The following MRTFB variants were observed in gnomAD, a reference collection of about 807,000 sequenced individuals.
The protein encoded by MRTFB is myocardin-related transcription factor B.
In MRTFB, 29 loss-of-function variants were observed where a neutral mutation model predicts 104.2. The observed-to-expected ratio is 0.28, with a 90% CI of 0.21 to 0.38. MRTFB has a LOEUF of 0.38. Among genes scored for constraint, MRTFB ranks in the 10% least tolerant of loss-of-function variants. The pLI is 1.00. For synonymous variants in MRTFB, 535 were observed against 519.5 expected (o/e 1.03, Z -0.41); for missense variants, 1,270 against 1,341.6 (o/e 0.95, Z 0.83).
intron 2 of MRTFB, among the ~76,000 whole-genome samples, chr16:14,090,136 T>G (rs554773303): frequency 6.6e-6 from 1 of 152,306 alleles, no homozygotes; most frequent in South Asian, 2.1e-4. Context: ...GCAAGTGGTG[T>G]TTTAATTTTG....
At chr16:14,190,721 GCATTT>G (rs2040141290) in intron 3 of MRTFB, among the ~76,000 whole-genome samples, 1 of 152,230 alleles carries the variant, frequency 6.6e-6, no homozygotes, top group Admixed American at 6.5e-5. Flanking sequence ...CATTCAAAGT[GCATTT>G]CTTGCTCAAA....
the MRTFB span, among the ~76,000 whole-genome samples, chr16:13,996,456 T>C: frequency 6.6e-6 from 1 of 152,196 alleles, no homozygotes; most frequent in Non-Finnish European, 1.5e-5. Context: ...AGGTGATACC[T>C]GACAGAGAAA....
At chr16:13,995,068 A>T in the MRTFB span, among the ~76,000 whole-genome samples, 1 of 151,968 alleles carries the variant, frequency 6.6e-6, no homozygotes, top group Non-Finnish European at 1.5e-5. Context: ...TGCAGAACAG[A>T]TCTGTAAACT....
chr16:14,099,382 G>A lies in MRTFB; in HGVS notation c.-64+20028G>A, dbSNP rs1447530709. ...AAAATTACGTGGGTTTTTTTGGTGG[G>A]TTTTTTTTTTTTTTTAAGACAGAGG... On this transcript the variant is annotated intron_variant, in intron 2 of 16. Coordinates refer to ENST00000571589, the MANE Select transcript of MRTFB (RefSeq NM_001308142.2). Among the ~76,000 whole-genome samples, 3 of 137,150 alleles carry A rather than the reference G, an allele frequency of 2.2e-5. No homozygotes were observed. In the South Asian group the frequency reaches 7.0e-4, roughly 32 times the overall value. 90.0% of individuals were successfully genotyped at this position (137,150 alleles called of 152,430 possible).
intron 2 of MRTFB, among the ~76,000 whole-genome samples, chr16:14,140,327 T>C (rs2037930254): frequency 6.6e-6 from 1 of 152,204 alleles, no homozygotes; most frequent in South Asian, 2.1e-4. Context: ...ATACAAAATA[T>C]ATTTCAGCTT....
the MRTFB span, among the ~76,000 whole-genome samples, chr16:14,032,192 A>G: frequency 1.3e-5 from 2 of 152,212 alleles, no homozygotes; most frequent in Non-Finnish European, 2.9e-5. Context: ...TCATGTGATT[A>G]GATATTTGGA....
intron 3 of MRTFB, among the ~76,000 whole-genome samples, chr16:14,172,463 A>T (rs993581111): frequency 5.3e-5 from 8 of 151,524 alleles, no homozygotes; most frequent in Non-Finnish European, 5.9e-5. Context: ...TGTTTCTAAG[A>T]TTTTCCTGTT....
At chr16:14,109,289 C>T (rs2036152133) in intron 2 of MRTFB, among the ~76,000 whole-genome samples, 1 of 152,106 alleles carries the variant, frequency 6.6e-6, no homozygotes, top group Non-Finnish European at 1.5e-5. Flanking sequence ...ATAAACTGAA[C>T]AGCACCTGCC....
chr16:14,205,929 C>A (rs1319696632), intron 3 of MRTFB, among the ~76,000 whole-genome samples: 2 of 152,182 alleles, frequency 1.3e-5, no homozygotes, highest in African/African-American at 4.8e-5. Flanking sequence ...ACTGCCTCTG[C>A]TGCAGGAAAA....
At position 14,258,240 on chromosome 16, in the gene MRTFB, A is replaced by G. The variant is rs188197992; in HGVS notation, c.2764+79A>G. 63 of 1,095,552 alleles carry G rather than the reference A, an allele frequency of 5.8e-5. No homozygotes were observed. In the African/African-American group the frequency reaches 8.5e-4, roughly 15 times the overall value. 67.9% of individuals were successfully genotyped at this position (1,095,552 alleles called of 1,614,324 possible). On this transcript the variant is annotated intron_variant, in intron 16 of 16. Coordinates refer to ENST00000571589, the MANE Select transcript of MRTFB (RefSeq NM_001308142.2). ...TCATGAAAGTTTTTCTTAAGCACTC[A>G]TAGCTTATCTTTAGATACTGAGAAA... is the stretch of plus-strand genomic sequence containing the variant.
At position 14,078,433 on chromosome 16, in the gene MRTFB, C is replaced by G. The variant is rs1411835657; in HGVS notation, c.-128-857C>G. Among the ~76,000 whole-genome samples the G allele has an allele frequency of 5.3e-5, 8 of 151,994 alleles. No individual in the cohort carries two copies. In the East Asian group the frequency reaches 1.3e-3, roughly 26 times the overall value. On this transcript the variant is annotated intron_variant, in intron 1 of 16. Coordinates refer to ENST00000571589, the MANE Select transcript of MRTFB (RefSeq NM_001308142.2). ...AAAGCTTATGCCCACCCCTCTCCCC[C>G]TTTTTTAGAGACGGGGTCTCTCTCA... is the stretch of plus-strand genomic sequence containing the variant.
intron 13 of MRTFB, among the ~76,000 whole-genome samples, chr16:14,249,669 C>G (rs1279318396): frequency 6.6e-6 from 1 of 152,200 alleles, no homozygotes; most frequent in Non-Finnish European, 1.5e-5. Context: ...TCAGTGTCCT[C>G]TACACAAATA....
At chr16:14,123,902 A>T (rs1480116667) in intron 2 of MRTFB, among the ~76,000 whole-genome samples, 1 of 152,246 alleles carries the variant, frequency 6.6e-6, no homozygotes, top group Non-Finnish European at 1.5e-5. Flanking sequence ...ATCCATGAGC[A>T]TGGAATGTTT....
At chr16:14,135,714 T>G (rs2037678185) in intron 2 of MRTFB, among the ~76,000 whole-genome samples, 1 of 152,224 alleles carries the variant, frequency 6.6e-6, no homozygotes, top group Admixed American at 6.5e-5. Context: ...GAATTATCTT[T>G]TTAAAATACA....
At chr16:14,200,650 T>C (rs2040655004) in intron 3 of MRTFB, 1 of 1,565,054 alleles carries the variant, frequency 6.4e-7, no homozygotes, top group Non-Finnish European at 8.8e-7. Flanking sequence ...TTGATGAAGA[T>C]GGAAAGAGCC....
intron 10 of MRTFB, among the ~76,000 whole-genome samples, chr16:14,244,727 C>G (rs1385854101): frequency 6.6e-6 from 1 of 151,784 alleles, no homozygotes; most frequent in East Asian, 1.9e-4. Context: ...ATTTTTCCCC[C>G]CACTTTTCCA....
At chr16:14,227,161 T>C (rs1381382715) in intron 8 of MRTFB, among the ~76,000 whole-genome samples, 4 of 152,030 alleles carry the variant, frequency 2.6e-5, no homozygotes, top group African/African-American at 4.8e-5. Context: ...TTGTTAGAGG[T>C]AGGGCCTAAT....
intron 3 of MRTFB, among the ~76,000 whole-genome samples, chr16:14,182,189 C>T (rs2039793201): frequency 6.6e-6 from 1 of 152,204 alleles, no homozygotes; most frequent in African/African-American, 2.4e-5. Context: ...CCATCTCTCC[C>T]TAATTCATTC....
intron 10 of MRTFB, among the ~76,000 whole-genome samples, chr16:14,242,140 TA>T (rs912444151): frequency 2.0e-5 from 3 of 151,282 alleles, no homozygotes; most frequent in African/African-American, 7.3e-5. Context: ...GACGCTGTTA[TA>T]AAAAAAAATC....
Sources: allele counts gnomAD v4.1 joint callset (sites outside exome capture counted in the v4.1 genomes callset), GRCh38; gene constraint gnomAD v4.1.1; transcripts MANE v1.5; gene names NCBI Gene and HGNC (gene_info 2026-07-23, HGNC 2026-07-21).